Variants in HDAC9 observed in about 807,000 individuals in gnomAD.
HDAC9 encodes the protein MEF-2 interacting transcription repressor (MITR) protein.
A neutral mutation model predicts 139.4 loss-of-function variants in HDAC9; 41 were observed. The ratio of observed to expected loss-of-function variants is 0.29; its 90% CI spans 0.23 to 0.38. The LOEUF is 0.38. HDAC9 is among the 10% of genes least tolerant of loss of function. HDAC9 has a pLI of 1.00. For missense variants in HDAC9, 1,147 were observed against 1,297.0 expected (o/e 0.88, Z 1.78); for synonymous variants, 517 against 476.2 (o/e 1.09, Z -1.12).
At chr7:18,861,420 GT>G (rs1167911999) in intron 21 of HDAC9, among the ~76,000 whole-genome samples, 4 of 152,128 alleles carry the variant, frequency 2.6e-5, no homozygotes, top group African/African-American at 9.7e-5. Flanking sequence ...CAGTTTATCT[GT>G]TTTGATAAAC....
intron 12 of HDAC9, among the ~76,000 whole-genome samples, chr7:18,704,792 C>T (rs1783757699): frequency 6.6e-6 from 1 of 152,066 alleles, no homozygotes; most frequent in Admixed American, 6.6e-5. Flanking sequence ...ACATAGCCTA[C>T]ATATCACAAG....
At chr7:18,630,494 T>G (rs534096931) in intron 7 of HDAC9, among the ~76,000 whole-genome samples, 11 of 152,226 alleles carry the variant, frequency 7.2e-5, no homozygotes, top group African/African-American at 2.6e-4. Flanking sequence ...GTATTTAGGT[T>G]CTAATGCAAC....
At chr7:18,901,207 C>T (rs914725564) in intron 22 of HDAC9, among the ~76,000 whole-genome samples, 1 of 138,862 alleles carries the variant, frequency 7.2e-6, no homozygotes, top group Non-Finnish European at 1.5e-5. Context: ...ACTATATATA[C>T]ATATATATAT....
chr7:18,789,286 G>GCGCACACACACACACACACACACA (rs146066951), intron 16 of HDAC9, among the ~76,000 whole-genome samples: 1 of 148,396 alleles, frequency 6.7e-6, no homozygotes, highest in African/African-American at 2.5e-5. Flanking sequence ...ACACATACAC[G>GCGCACACACACACACACACACACA]CACACACACA....
In HDAC9 at chr7:18,207,768, G is replaced by A. The variant is rs577364761; in HGVS notation, c.25+45419G>A. On this transcript the variant is annotated intron_variant, in intron 2 of 12. Transcript: ENST00000417496. ...TTGCTCTTGTTGCCCAGGCTGGAGT[G>A]CAATGGCGCGATCTCGGCTCACCAC... Among the ~76,000 whole-genome samples, 232 of 151,970 alleles carry A rather than the reference G, an allele frequency of 1.5e-3. 1 individual carries two copies. The highest frequency in any genetic ancestry group is 4.6e-3 in the African/African-American group (189 of 41,460).
At chr7:18,957,690 G>A (rs1447802573) in intron 24 of HDAC9, among the ~76,000 whole-genome samples, 4 of 152,124 alleles carry the variant, frequency 2.6e-5, no homozygotes, top group Admixed American at 6.5e-5. Context: ...GGGGCGCTTC[G>A]CAACTGCACA....
intron 2 of HDAC9, among the ~76,000 whole-genome samples, chr7:18,245,349 T>C (rs1176175054): frequency 1.3e-5 from 2 of 152,320 alleles, no homozygotes; most frequent in Admixed American, 1.3e-4. Flanking sequence ...CCCCTGACTT[T>C]TCTATGTATC....
chr7:18,917,064 A>G (rs1803273269), intron 22 of HDAC9, among the ~76,000 whole-genome samples: 1 of 152,080 alleles, frequency 6.6e-6, no homozygotes, highest in African/African-American at 2.4e-5. Context: ...TTCAGTTTCA[A>G]TATGCTCTTA....
intron 2 of HDAC9, chr7:18,505,919 G>A (rs368817686): frequency 6.6e-6 from 1 of 152,194 alleles, no homozygotes; most frequent in Non-Finnish European, 1.5e-5. Context: ...ACTCCTTTGG[G>A]TCAGTTATTC....
At chr7:18,411,584 C>A (rs1435019594) in intron 1 of HDAC9, among the ~76,000 whole-genome samples, 2 of 152,022 alleles carry the variant, frequency 1.3e-5, no homozygotes, top group Admixed American at 6.5e-5. Flanking sequence ...ACCATGTTAG[C>A]CAAGATGGTC....
intron 1 of HDAC9, among the ~76,000 whole-genome samples, chr7:18,437,563 A>T (rs1791325830): frequency 6.7e-6 from 1 of 149,676 alleles, no homozygotes; most frequent in Non-Finnish European, 1.5e-5. Context: ...TTATATATAT[A>T]TAATCTGAAA....
At chr7:18,967,038 A>G (rs1386721971) in intron 24 of HDAC9, among the ~76,000 whole-genome samples, 1 of 152,240 alleles carries the variant, frequency 6.6e-6, no homozygotes, top group Non-Finnish European at 1.5e-5. Context: ...CTTGAACAAA[A>G]TGTTTGTCGA....
intron 2 of HDAC9, among the ~76,000 whole-genome samples, chr7:18,500,431 A>G (rs747866243): frequency 8.5e-5 from 13 of 152,126 alleles, no homozygotes; most frequent in Non-Finnish European, 1.6e-4. Flanking sequence ...ACCTAATGCA[A>G]CATACCTCAG....
At chr7:18,794,312 G>C (rs1219093313) in intron 17 of HDAC9, among the ~76,000 whole-genome samples, 1 of 72,450 alleles carries the variant, frequency 1.4e-5, no homozygotes, top group African/African-American at 5.6e-5. Context: ...TGTGAGTTTT[G>C]TGAAACCAAG....
intron 22 of HDAC9, among the ~76,000 whole-genome samples, chr7:18,889,267 T>A (rs1002096355): frequency 6.6e-6 from 1 of 152,150 alleles, no homozygotes; most frequent in Non-Finnish European, 1.5e-5. Context: ...AGCTCAGATA[T>A]CACCTTCTCA....
At chr7:18,724,668 A>AT (rs1351628599) in intron 12 of HDAC9, among the ~76,000 whole-genome samples, 1 of 152,076 alleles carries the variant, frequency 6.6e-6, no homozygotes, top group Admixed American at 6.6e-5. Flanking sequence ...GGTGAAAGGG[A>AT]TTTTTGTGTT....
intron 1 of HDAC9, among the ~76,000 whole-genome samples, chr7:18,390,071 C>T (rs1039468355): frequency 5.3e-5 from 8 of 151,378 alleles, no homozygotes; most frequent in Non-Finnish European, 7.4e-5. Flanking sequence ...CACACACACA[C>T]ACACACACAC....
At chr7:18,490,833 ATGAGTGAGTGAG>A (rs34164569), upstream of HDAC9, among the ~76,000 whole-genome samples, 9 of 151,414 alleles carry the variant, frequency 5.9e-5, no homozygotes, top group Admixed American at 2.0e-4. Context: ...GGTAACATCA[ATGAGTGAGTGAG>A]TGAGTGAGTG....
At chr7:18,826,703 G>A (rs1441494325) in intron 17 of HDAC9, among the ~76,000 whole-genome samples, 2 of 125,986 alleles carry the variant, frequency 1.6e-5, no homozygotes, top group Non-Finnish European at 3.3e-5. Flanking sequence ...AATTACCTAT[G>A]AGATTTCATT....
Sources: allele counts gnomAD v4.1 joint callset (sites outside exome capture counted in the v4.1 genomes callset), GRCh38; gene constraint gnomAD v4.1.1; transcripts MANE v1.5; gene names NCBI Gene and HGNC (gene_info 2026-07-23, HGNC 2026-07-21).